Variants in SMIM21 observed in about 807,000 individuals in gnomAD.
The protein encoded by SMIM21 is chromosome 18 open reading frame 62.
SMIM21 carries 8 observed loss-of-function variants against 8.6 expected under a neutral mutation model. The observed-to-expected ratio is 0.93, with a 90% CI of 0.55 to 1.68. The LOEUF (loss-of-function observed/expected upper bound fraction) is 1.68, where lower values mean the gene tolerates loss of function less well. SMIM21 is among the 40% of genes most tolerant of loss of function. The probability of loss-of-function intolerance (pLI) is 0.00; values close to 1 mark genes in which losing one functional copy is unlikely to be tolerated. For missense variants in SMIM21, 132 were observed against 123.0 expected (o/e 1.07, Z -0.35); for synonymous variants, 43 against 41.7 (o/e 1.03, Z -0.12).
chr18:75,417,520 T>C (rs886183023), intron 2 of SMIM21: 4 of 152,190 alleles, frequency 2.6e-5, no homozygotes, highest in Admixed American at 6.5e-5. Context: ...AGAGAGAATA[T>C]AGCTGATGTA....
intron 1 of SMIM21, among the ~76,000 whole-genome samples, chr18:75,424,681 C>T (rs2024743122): frequency 6.6e-6 from 1 of 152,154 alleles, no homozygotes; most frequent in Admixed American, 6.5e-5. Context: ...GTCCTAGAGC[C>T]CATATCACAT....
intron 2 of SMIM21, among the ~76,000 whole-genome samples, chr18:75,418,492 A>G (rs2024672248): frequency 6.6e-6 from 1 of 152,212 alleles, no homozygotes; most frequent in Non-Finnish European, 1.5e-5. Flanking sequence ...CGAAATGCTC[A>G]TCCTGTCTCA....
rs910362795 is a variant in SMIM21 at position 75,410,716 on chromosome 18, A to G, written c.*148T>C. ...AGACATTATCATTGCAAAAAGTTAC[A>G]CGTTCTTCATTCTCTCTGTGGAGCT... On this transcript the variant is annotated 3_prime_UTR_variant, in exon 3 of 3. Coordinates refer to ENST00000579022, the MANE Select transcript of SMIM21 (RefSeq NM_001037331.3). The G allele has an allele frequency of 2.2e-5, 32 of 1,454,220 alleles. No homozygotes were observed. Among genetic ancestry groups the G allele is most frequent in the Non-Finnish European group, 8.1e-6 (9 of 1,108,514 alleles). The allele number at this position is 1,454,220 out of a possible 1,614,324, so 90.1% of individuals were successfully genotyped here.
intron 1 of SMIM21, among the ~76,000 whole-genome samples, chr18:75,423,646 C>T (rs980180833): frequency 6.6e-6 from 1 of 152,218 alleles, no homozygotes; most frequent in East Asian, 1.9e-4. Context: ...TCAGGGATGT[C>T]TCATGGTTCC....
intron 1 of SMIM21, among the ~76,000 whole-genome samples, chr18:75,424,094 T>C (rs1283366200): frequency 6.6e-6 from 1 of 152,210 alleles, no homozygotes; most frequent in South Asian, 2.1e-4. Flanking sequence ...AGACCACCCA[T>C]AGTTGTAATC....
rs565431438 is a variant in SMIM21, at chr18:75,422,058, G to A, written c.130-3142C>T. On this transcript the variant is annotated intron_variant, in intron 1 of 2. Transcript: ENST00000579022. ...CTTCACAAGTGGACAGCCAGAGTTC[G>A]GACTCCTTGGGGAACCGGCTTGACC... is the stretch of plus-strand genomic sequence containing the variant. Among the ~76,000 whole-genome samples the A allele has an allele frequency of 8.4e-4, 128 of 152,210 alleles. 2 individuals are homozygous for A. The South Asian group carries it at 0.017, about 21-fold the overall frequency.
chr18:75,426,195 C>T (rs2024759393), intron 1 of SMIM21, among the ~76,000 whole-genome samples: 1 of 152,172 alleles, frequency 6.6e-6, no homozygotes, highest in South Asian at 2.1e-4. Context: ...AATCGACTTA[C>T]AACTATCACA....
intron 2 of SMIM21, among the ~76,000 whole-genome samples, chr18:75,414,345 C>T (rs2024620677): frequency 1.3e-5 from 2 of 152,098 alleles, no homozygotes; most frequent in South Asian, 4.1e-4. Context: ...TTACTACATG[C>T]CAAGTACTGT....
chr18:75,423,131 C>G lies in SMIM21; in HGVS notation c.130-4215G>C, dbSNP rs1002149327. On this transcript the variant is annotated intron_variant, in intron 1 of 2. Transcript: ENST00000579022. ...TAAAAATAATTCTACACTTTTCTTG[C>G]AAATCCCCTGCCCCAAATTCATCAA... Among the ~76,000 whole-genome samples the G allele has an allele frequency of 1.2e-4, 19 of 152,280 alleles. No homozygotes were observed. The East Asian group carries it at 1.4e-3, about 11-fold the overall frequency.
chr18:75,414,060 C>G (rs900404120), intron 2 of SMIM21, among the ~76,000 whole-genome samples: 3 of 148,818 alleles, frequency 2.0e-5, no homozygotes, highest in Non-Finnish European at 3.0e-5. Flanking sequence ...GCCTAGGAGT[C>G]TCTCTCTCTC....
Position 75,410,652 on chromosome 18 carries a change from C to G in SMIM21, c.*212G>C, listed in dbSNP as rs1368019026. 11 of 1,340,650 alleles carry G rather than the reference C, an allele frequency of 8.2e-6. No homozygotes were observed. Among genetic ancestry groups the G allele is most frequent in the African/African-American group, 1.5e-5 (1 of 67,756 alleles). 83.0% of individuals were successfully genotyped at this position (1,340,650 alleles called of 1,614,324 possible). On this transcript the variant is annotated 3_prime_UTR_variant, in exon 3 of 3. Coordinates refer to ENST00000579022, the MANE Select transcript of SMIM21 (RefSeq NM_001037331.3). Reference sequence around the variant, plus strand: ...TCTGCAGCTCTCCTCCGGAATATTCCTGAACAGAAAAAGGAAGAGTGCCCC... The same window carrying G: ...TCTGCAGCTCTCCTCCGGAATATTCGTGAACAGAAAAAGGAAGAGTGCCCC...
chr18:75,419,324 T>C (rs894381128), intron 1 of SMIM21, among the ~76,000 whole-genome samples: 7 of 152,342 alleles, frequency 4.6e-5, no homozygotes, highest in Non-Finnish European at 1.0e-4. Flanking sequence ...ATGACTTTAG[T>C]GTTCCAGTGT....
At position 75,418,874 on chromosome 18, in the gene SMIM21, G is replaced by C; in HGVS notation, c.172C>G (p.Leu58Val). 1 of 1,605,890 alleles carries C rather than the reference G, an allele frequency of 6.2e-7. No homozygotes were observed. The highest frequency in any genetic ancestry group is 8.5e-7 in the Non-Finnish European group (1 of 1,172,722). The change falls in exon 2 of 3, where the codon CTT becomes GTT. Residue 58 changes from leucine to valine, a missense_variant. Coordinates refer to ENST00000579022, the MANE Select transcript of SMIM21 (RefSeq NM_001037331.3). The stretch of plus-strand genomic sequence containing the variant: ...CTCAGCAACACCATCACATGGAAAA[G>C]AACCAACAATGTGAAGAAACGAATA... ...HHIRFFTLLV[L>V]FHVMVLLRNH... is the part of the protein sequence containing the mutation.
chr18:75,415,426 G>C (rs931135424), intron 2 of SMIM21, among the ~76,000 whole-genome samples: 8 of 152,218 alleles, frequency 5.3e-5, no homozygotes, highest in Non-Finnish European at 7.3e-5. Context: ...GGTCTCTGCT[G>C]CTGGGAGTCT....
intron 1 of SMIM21, among the ~76,000 whole-genome samples, chr18:75,422,625 G>A (rs1002438140): frequency 6.6e-6 from 1 of 152,116 alleles, no homozygotes; most frequent in African/African-American, 2.4e-5. Flanking sequence ...TGGAATATTA[G>A]TCAGCCACAA....
rs2024679200 is a variant in SMIM21, at chr18:75,418,856, A to G, written c.190T>C (p.Leu64=). ...TLLVLFHVMV[L]LRNHSRIQGV... ...TGTATCCTGCTATGATTCCTCAGCA[A>G]CACCATCACATGGAAAAGAACCAAC... is the stretch of plus-strand genomic sequence containing the variant. The change falls in exon 2 of 3, where the codon TTG becomes CTG. Residue 64 remains leucine (L), a synonymous_variant. Coordinates refer to ENST00000579022, the MANE Select transcript of SMIM21 (RefSeq NM_001037331.3). 3.7e-6 allele frequency: 6 copies of G among 1,610,052 alleles called. No individual in the cohort carries two copies. Among genetic ancestry groups the G allele is most frequent in the Non-Finnish European group, 5.1e-6 (6 of 1,176,320 alleles).
intron 2 of SMIM21, among the ~76,000 whole-genome samples, chr18:75,418,541 C>T (rs904713881): frequency 2.6e-5 from 4 of 152,222 alleles, no homozygotes; most frequent in African/African-American, 9.6e-5. Flanking sequence ...CTGCAGTATA[C>T]ATGGCTCACT....
intron 1 of SMIM21, among the ~76,000 whole-genome samples, chr18:75,421,126 G>A (rs1420875033): frequency 6.6e-6 from 1 of 152,180 alleles, no homozygotes; most frequent in African/African-American, 2.4e-5. Context: ...TCCTGTAAAT[G>A]TGACTAACTT....
chr18:75,416,232 G>T (rs545357349), intron 2 of SMIM21: 10 of 152,296 alleles, frequency 6.6e-5, no homozygotes, highest in South Asian at 4.1e-4. Flanking sequence ...TTGACAATCA[G>T]ATTTGGCAAA....
Sources: allele counts gnomAD v4.1 joint callset (sites outside exome capture counted in the v4.1 genomes callset), GRCh38; gene constraint gnomAD v4.1.1; transcripts MANE v1.5; gene names NCBI Gene and HGNC (gene_info 2026-07-23, HGNC 2026-07-21).